CNMD: variants seen among roughly 807,000 people sequenced by gnomAD.
The protein encoded by CNMD is chondromodulin.
A neutral mutation model predicts 37.5 loss-of-function variants in CNMD; 30 were observed. The observed-to-expected ratio is 0.80, with a 90% confidence interval of 0.60 to 1.09. The LOEUF (loss-of-function observed/expected upper bound fraction) is 1.09. CNMD is among the 50% of genes least tolerant of loss of function. The pLI is 0.00. For missense variants in CNMD, 398 were observed against 423.9 expected, an observed-to-expected ratio of 0.94 and a Z score of 0.54; for synonymous variants, 167 against 148.2, an observed-to-expected ratio of 1.13 and a Z score of -0.92.
intron 3 of CNMD, among the ~76,000 whole-genome samples, chr13:52,731,647 T>C (rs1256857853): frequency 1.3e-5 from 2 of 152,202 alleles, no homozygotes; most frequent in African/African-American, 2.4e-5. Flanking sequence ...AACAGAAATA[T>C]AGGTTTGGGA....
At chr13:52,709,225 T>C (rs1431935889) in intron 5 of CNMD, among the ~76,000 whole-genome samples, 1 of 152,172 alleles carries the variant, frequency 6.6e-6, no homozygotes, top group Non-Finnish European at 1.5e-5. Context: ...AACTTGTGAC[T>C]ATGAAGTGAT....
Position 52,733,325 on chromosome 13 carries a change from C to G in CNMD, c.248G>C (p.Gly83Ala). 6.2e-7 allele frequency: 1 copy of G among 1,613,760 alleles called. No individual in the cohort carries two copies. The highest frequency in any genetic ancestry group is 2.2e-5 in the East Asian group (1 of 44,868). ...TTCCATTGACCCATCTTGTAATTTC[C>G]CATTGATACTCATGGTGTAATGGAC... ...YNVHYTMSIN[G>A]KLQDGSMEID... is the part of the protein sequence containing the mutation. Residue 83 changes from glycine to alanine, a missense_variant, in exon 3 of 7, where the codon GGG becomes GCG. Physicochemically the swap from Gly to Ala is moderately conservative, Grantham distance 60. Transcript: ENST00000377962.
At chr13:52,730,625 T>G (rs1347203394) in intron 3 of CNMD, among the ~76,000 whole-genome samples, 1 of 152,222 alleles carries the variant, frequency 6.6e-6, no homozygotes, top group East Asian at 1.9e-4. Context: ...TGTCTTCTTT[T>G]GGGAAGTGTC....
chr13:52,732,364 A>C (rs1355175727), intron 3 of CNMD, among the ~76,000 whole-genome samples: 1 of 152,198 alleles, frequency 6.6e-6, no homozygotes, highest in East Asian at 1.9e-4. Context: ...GCCAACAGGA[A>C]ATTCGGCCTG....
intron 4 of CNMD, among the ~76,000 whole-genome samples, chr13:52,720,128 C>G (rs1193576767): frequency 6.6e-6 from 1 of 152,164 alleles, no homozygotes; most frequent in Non-Finnish European, 1.5e-5. Flanking sequence ...GATTTGGCTA[C>G]TGATACTTGT....
intron 3 of CNMD, among the ~76,000 whole-genome samples, chr13:52,731,713 C>T (rs190284444): frequency 7.7e-4 from 118 of 152,272 alleles, no homozygotes; most frequent in Admixed American, 2.2e-3. Flanking sequence ...AAAGATGAAT[C>T]GTTTCTTATT....
intron 3 of CNMD, among the ~76,000 whole-genome samples, chr13:52,724,950 TAAG>T (rs1168091403): frequency 4.6e-5 from 7 of 152,158 alleles, no homozygotes; most frequent in Admixed American, 1.3e-4. Flanking sequence ...TAATAACTGT[TAAG>T]AAGAAAAATA....
intron 3 of CNMD, among the ~76,000 whole-genome samples, chr13:52,729,953 A>G (rs1964636416): frequency 6.7e-6 from 1 of 149,966 alleles, no homozygotes; most frequent in Admixed American, 6.6e-5. Flanking sequence ...AGCATTAGGT[A>G]TATCTCCTCA....
intron 2 of CNMD, 32 bp downstream of exon 2, chr13:52,738,999 G>A (rs757830909): frequency 2.0e-6 from 3 of 1,538,302 alleles, no homozygotes; most frequent in Non-Finnish European, 2.6e-6. Context: ...TGGGCGACAC[G>A]GGGGTCCCCG....
In CNMD at chr13:52,703,616, G is replaced by T. The variant is rs371116344; in HGVS notation, c.984C>A (p.Ala328=). Residue 328 remains alanine (A), a synonymous_variant, in exon 7 of 7, where the codon GCC becomes GCA. Coordinates refer to ENST00000377962, the MANE Select transcript of CNMD (RefSeq NM_007015.3). ...GATTTCACACCATGCCCAAGATACG[G>T]GCCACCCACCAGCTACATGGCATGA... ...RVIMPCSWWV[A]RILGMV 4 of 1,612,230 alleles carry T rather than the reference G, an allele frequency of 2.5e-6. No homozygotes were observed. Among genetic ancestry groups the T allele is most frequent in the Non-Finnish European group, 3.4e-6 (4 of 1,178,754 alleles).
intron 3 of CNMD, among the ~76,000 whole-genome samples, chr13:52,724,804 G>A (rs1964546124): frequency 6.6e-6 from 1 of 152,170 alleles, no homozygotes; most frequent in East Asian, 1.9e-4. Context: ...GGCTGAGGCC[G>A]GAGAATCGCT....
chr13:52,731,611 AT>A (rs1479375600), intron 3 of CNMD, among the ~76,000 whole-genome samples: 2 of 152,240 alleles, frequency 1.3e-5, no homozygotes, highest in African/African-American at 4.8e-5. Context: ...CGATACCATT[AT>A]TAGAAAAGAA....
chr13:52,737,378 T>C (rs1236029427), intron 2 of CNMD, among the ~76,000 whole-genome samples: 2 of 152,228 alleles, frequency 1.3e-5, no homozygotes, highest in African/African-American at 4.8e-5. Flanking sequence ...ATAATTTTGA[T>C]TGTTGACAAT....
In CNMD at chr13:52,703,409, G is replaced by A. The variant is rs1964116949; in HGVS notation, c.*186C>T. 5 of 526,900 alleles carry A rather than the reference G, an allele frequency of 9.5e-6. No individual in the cohort carries two copies. The highest frequency in any genetic ancestry group is 1.7e-5 in the Non-Finnish European group (5 of 294,048). The allele number at this position is 526,900 out of a possible 1,614,324, so 32.6% of individuals were successfully genotyped here. On this transcript the variant is annotated 3_prime_UTR_variant, in exon 7 of 7. Coordinates refer to ENST00000377962, the MANE Select transcript of CNMD (RefSeq NM_007015.3). ...ATTTTAGACTTGAACTACCCTTTCA[G>A]TACATTTGCATATACTAAAGTTCTG... is the stretch of plus-strand genomic sequence containing the variant.
chr13:52,734,249 G>A (rs925657332), intron 2 of CNMD, among the ~76,000 whole-genome samples: 7 of 152,200 alleles, frequency 4.6e-5, no homozygotes, highest in Admixed American at 3.3e-4. Context: ...TATGTCCTTA[G>A]AACTGTTGGG....
chr13:52,722,402 G>A (rs1964499514), intron 4 of CNMD, among the ~76,000 whole-genome samples: 2 of 152,118 alleles, frequency 1.3e-5, no homozygotes, highest in Admixed American at 1.3e-4. Context: ...GCTGATACTT[G>A]CTTTCCCTCC....
At position 52,703,695 on chromosome 13, in the gene CNMD, C is replaced by G. The variant is rs1488046150; in HGVS notation, c.905G>C (p.Gly302Ala). The part of the protein sequence containing the change: ...HCQKICEPLG[G>A]YYPWPYNYQG... ...ATAATTATAAGGCCATGGGTAATAG[C>G]CCCCCAGGGGTTCACAGATCTTCTG... Residue 302 changes from glycine to alanine, a missense_variant, in exon 7 of 7, where the codon GGC becomes GCC. By Grantham distance (60) the Gly-to-Ala change is moderately conservative. Coordinates refer to ENST00000377962, the MANE Select transcript of CNMD (RefSeq NM_007015.3). The G allele has an allele frequency of 1.9e-6, 3 of 1,613,818 alleles. No individual in the cohort carries two copies. In the African/African-American group the frequency reaches 4.0e-5, roughly 22 times the overall value.
intron 6 of CNMD, 149 bp from the exon 7 acceptor site, chr13:52,703,959 A>G (rs1330398223): frequency 1.6e-6 from 1 of 640,598 alleles, no homozygotes. Context: ...TGTCATTCAT[A>G]ATTCATGTTC....
intron 6 of CNMD, among the ~76,000 whole-genome samples, chr13:52,708,322 C>A (rs1046175125): frequency 2.0e-5 from 3 of 151,984 alleles, no homozygotes; most frequent in African/African-American, 7.2e-5. Flanking sequence ...GCTGGGATTA[C>A]AGGCGTGTGC....
Sources: allele counts gnomAD v4.1 joint callset (sites outside exome capture counted in the v4.1 genomes callset), GRCh38; gene constraint gnomAD v4.1.1; transcripts MANE v1.5; gene names NCBI Gene and HGNC (gene_info 2026-07-23, HGNC 2026-07-21).